The following APP variants were observed in gnomAD, a reference collection of about 807,000 sequenced individuals.
The protein encoded by APP is amyloid beta precursor protein.
Under a neutral mutation model 101.4 loss-of-function variants are expected in APP, and 31 were observed. That is an observed-to-expected ratio of 0.31 (90% CI 0.23 to 0.41). The LOEUF (loss-of-function observed/expected upper bound fraction) is 0.41, where lower values mean the gene tolerates loss of function less well. Ranked by LOEUF, APP falls within the 10% of genes least tolerant of loss-of-function variation. The pLI, the probability that APP is intolerant of heterozygous loss-of-function variation, is 1.00. For synonymous variants in APP, 366 were observed against 364.4 expected (o/e 1.00, Z -0.05); for missense variants, 839 against 1,003.7 (o/e 0.84, Z 2.22).
chr21:25,924,428 G>GA (rs1491305120), intron 13 of APP, among the ~76,000 whole-genome samples: 1 of 76,562 alleles, frequency 1.3e-5, no homozygotes, highest in Non-Finnish European at 2.3e-5. Flanking sequence ...AAAAAAAAAA[G>GA]GAAAAAAAAA....
At chr21:25,993,334 G>A (rs1328720940) in intron 8 of APP, among the ~76,000 whole-genome samples, 1 of 152,120 alleles carries the variant, frequency 6.6e-6, no homozygotes, top group East Asian at 1.9e-4. Flanking sequence ...AACCTGTGTA[G>A]CAAGACTATA....
intron 13 of APP, chr21:25,942,810 T>C (rs541933439): frequency 6.6e-6 from 1 of 152,308 alleles, no homozygotes; most frequent in Admixed American, 6.5e-5. Flanking sequence ...TTTTAACCAT[T>C]TTAAGTGTAA....
At chr21:26,076,803 C>T (rs1196996931) in intron 3 of APP, among the ~76,000 whole-genome samples, 1 of 152,130 alleles carries the variant, frequency 6.6e-6, no homozygotes, top group African/African-American at 2.4e-5. Flanking sequence ...GTGGCTCACG[C>T]CTGTAATCCC....
chr21:25,995,812 T>G (rs148264043), intron 8 of APP, among the ~76,000 whole-genome samples: 1 of 152,360 alleles, frequency 6.6e-6, no homozygotes, highest in East Asian at 1.9e-4. Context: ...TGTGAATTAT[T>G]CTGAATATTT....
At chr21:25,950,047 G>A (rs1330183378) in intron 13 of APP, among the ~76,000 whole-genome samples, 3 of 152,168 alleles carry the variant, frequency 2.0e-5, no homozygotes, top group Non-Finnish European at 2.9e-5. Flanking sequence ...ACTTCCAGTG[G>A]GTGTGCACAA....
chr21:26,051,419 G>A (rs1038020928), intron 4 of APP, among the ~76,000 whole-genome samples: 5 of 152,026 alleles, frequency 3.3e-5, no homozygotes, highest in East Asian at 1.9e-4. Flanking sequence ...ATAAGACCAC[G>A]ATGTTATATA....
At chr21:26,061,183 G>A (rs1167948577) in intron 3 of APP, among the ~76,000 whole-genome samples, 1 of 152,158 alleles carries the variant, frequency 6.6e-6, no homozygotes, top group Non-Finnish European at 1.5e-5. Flanking sequence ...ATAGAAAGGA[G>A]TCAAGAATCT....
At chr21:26,140,624 G>C (rs1211763361) in intron 1 of APP, among the ~76,000 whole-genome samples, 2 of 152,218 alleles carry the variant, frequency 1.3e-5, no homozygotes, top group African/African-American at 4.8e-5. Context: ...GCTAGAATCA[G>C]GAAGCCAATT....
At chr21:25,902,296 A>G (rs1366976326) in intron 15 of APP, among the ~76,000 whole-genome samples, 1 of 152,230 alleles carries the variant, frequency 6.6e-6, no homozygotes, top group African/African-American at 2.4e-5. Flanking sequence ...GGCTAAAGAT[A>G]TAATTCGGCA....
intron 3 of APP, among the ~76,000 whole-genome samples, chr21:26,056,559 C>G (rs1195962324): frequency 1.3e-5 from 2 of 151,948 alleles, no homozygotes; most frequent in African/African-American, 4.8e-5. Context: ...CCACCACCCC[C>G]CTGCCCCCAA....
At chr21:25,982,082 C>T (rs115438786) in intron 9 of APP, among the ~76,000 whole-genome samples, 246 of 152,268 alleles carry the variant, frequency 1.6e-3, no homozygotes, top group African/African-American at 5.7e-3. Flanking sequence ...TGCCAAGTAC[C>T]TTTCTTCGCC....
In APP at chr21:26,151,688, C is replaced by T. The variant is rs1176542541; in HGVS notation, c.57+18876G>A. On this transcript the variant is annotated intron_variant, in intron 1 of 17. Transcript: ENST00000346798. ...GTGCAACGCAGCTCTCACTTTCTTA[C>T]ATGCGGTTCACAATAGGGTTTGCGC... Among the ~76,000 whole-genome samples, 4 of 152,126 alleles carry T rather than the reference C, an allele frequency of 2.6e-5. No individual in the cohort carries two copies. In the East Asian group the frequency reaches 7.7e-4, roughly 29 times the overall value.
chr21:26,119,669 T>C (rs568333970), intron 1 of APP, among the ~76,000 whole-genome samples: 3 of 149,276 alleles, frequency 2.0e-5, no homozygotes, highest in Non-Finnish European at 4.5e-5. Context: ...TGGTATGTAG[T>C]GGGAGTGCTA....
At chr21:25,993,496 C>T (rs1242280355) in intron 8 of APP, among the ~76,000 whole-genome samples, 1 of 152,162 alleles carries the variant, frequency 6.6e-6, no homozygotes, top group East Asian at 1.9e-4. Context: ...CAGTAGCTTA[C>T]ATTAGAGCAG....
intron 1 of APP, among the ~76,000 whole-genome samples, chr21:26,138,682 T>A (rs372076005): frequency 6.7e-6 from 1 of 150,312 alleles, no homozygotes; most frequent in South Asian, 2.1e-4. Context: ...GACAGAGAGA[T>A]AGCCTGTCTC....
At chr21:25,918,652 C>G (rs576149094) in intron 13 of APP, among the ~76,000 whole-genome samples, 1 of 151,770 alleles carries the variant, frequency 6.6e-6, no homozygotes, top group African/African-American at 2.4e-5. Flanking sequence ...CACTCCCACC[C>G]GAATATTGCG....
At chr21:25,972,362 T>C (rs895028349) in intron 11 of APP, among the ~76,000 whole-genome samples, 1 of 151,896 alleles carries the variant, frequency 6.6e-6, no homozygotes, top group Non-Finnish European at 1.5e-5. Flanking sequence ...TTTAGAGAAA[T>C]AAAGATAAAG....
intron 2 of APP, among the ~76,000 whole-genome samples, chr21:26,098,081 G>GGAA (rs2061985990): frequency 1.8e-5 from 1 of 54,382 alleles, no homozygotes; most frequent in Non-Finnish European, 3.7e-5. Context: ...CTCTGTCTCA[G>GGAA]AAAAAAAAAA....
intron 11 of APP, among the ~76,000 whole-genome samples, chr21:25,971,423 AC>A (rs771053638): frequency 6.6e-6 from 1 of 152,236 alleles, no homozygotes; most frequent in Non-Finnish European, 1.5e-5. Flanking sequence ...ATGAGGACTT[AC>A]AGCTGCCAAA....
Sources: gnomAD v4.1 joint callset for allele counts (sites outside exome capture counted in the v4.1 genomes callset) on GRCh38, gnomAD v4.1.1 for gene constraint, MANE v1.5 for transcripts, NCBI Gene and HGNC (gene_info 2026-07-23, HGNC 2026-07-21) for gene names.